The following RBM27 variants were observed in gnomAD, a reference collection of about 807,000 sequenced individuals.
RBM27 encodes RNA-binding protein 27.
A neutral mutation model predicts 135.3 loss-of-function variants in RBM27; 22 were observed. The ratio of observed to expected loss-of-function variants is 0.16; its 90% confidence interval spans 0.12 to 0.23. RBM27 has a LOEUF of 0.23. RBM27 is among the 10% of genes least tolerant of loss of function. The probability of loss-of-function intolerance (pLI) is 1.00; values close to 1 mark genes in which losing one functional copy is unlikely to be tolerated. For synonymous variants in RBM27, 481 were observed against 442.4 expected (o/e 1.09, Z -1.10); for missense variants, 1,009 against 1,281.0 (o/e 0.79, Z 3.24).
intron 5 of RBM27, 56 bp downstream of exon 5, chr5:146,229,966 C>T (rs1362334339): frequency 7.0e-6 from 11 of 1,581,394 alleles, no homozygotes; most frequent in Non-Finnish European, 9.5e-6. Context: ...GTCTCTATCA[C>T]AGGGGTGCAA....
At chr5:146,229,943 T>C in intron 5 of RBM27, 33 bp downstream of exon 5, 1 of 1,609,454 alleles carries the variant, frequency 6.2e-7, no homozygotes, top group South Asian at 1.1e-5. Context: ...AAAAACTCTG[T>C]AGTTATTTAT....
chr5:146,212,112 G>C (rs1755985144), intron 1 of RBM27, among the ~76,000 whole-genome samples: 1 of 151,610 alleles, frequency 6.6e-6, no homozygotes, highest in Non-Finnish European at 1.5e-5. Context: ...CTGGAGTGCA[G>C]TGGCGCAATC....
chr5:146,210,103 C>T (rs370585039), intron 1 of RBM27, among the ~76,000 whole-genome samples: 4 of 152,120 alleles, frequency 2.6e-5, no homozygotes, highest in East Asian at 1.9e-4. Context: ...GTTTTCGTAT[C>T]CACCTCTTGG....
At chr5:146,223,236 A>G (rs1756531410) in intron 2 of RBM27, among the ~76,000 whole-genome samples, 167 bp from the exon 3 acceptor site, 1 of 152,220 alleles carries the variant, frequency 6.6e-6, no homozygotes, top group Admixed American at 6.5e-5. Context: ...GTAGGTCAGA[A>G]GGATTTAAAA....
Position 146,285,997 on chromosome 5 carries a change from A to C in RBM27, c.3150A>C (p.Glu1050Asp). 1 of 1,612,712 alleles carries C rather than the reference A, an allele frequency of 6.2e-7. No homozygotes were observed. The highest frequency in any genetic ancestry group is 8.5e-7 in the Non-Finnish European group (1 of 1,179,246). ...LFLPDDDDED[E>D]DEYESRSWRR ...TGCCTGATGATGACGATGAAGATGA[A>C]GATGAATATGAGTCTCGCTCATGGC... is the stretch of plus-strand genomic sequence containing the variant. The change falls in exon 21 of 21, where the codon GAA (glutamate) becomes GAC (aspartate). Residue 1050 changes from glutamate (E) to aspartate (D), a missense_variant. By Grantham distance (45) the Glu-to-Asp change is conservative (BLOSUM62 2). Coordinates refer to ENST00000265271, the MANE Select transcript of RBM27 (RefSeq NM_018989.2).
At chr5:146,246,596 T>C (rs1054876855) in intron 8 of RBM27, among the ~76,000 whole-genome samples, 1 of 152,168 alleles carries the variant, frequency 6.6e-6, no homozygotes, top group East Asian at 1.9e-4. Flanking sequence ...GGAAGATACC[T>C]TGAGGCCAAG....
chr5:146,207,269 C>T (rs1477506485), intron 1 of RBM27, among the ~76,000 whole-genome samples: 2 of 152,058 alleles, frequency 1.3e-5, no homozygotes, highest in Admixed American at 6.5e-5. Context: ...GTTGCCCAGG[C>T]TGGAGTGCAG....
intron 9 of RBM27, among the ~76,000 whole-genome samples, chr5:146,252,159 A>AG (rs1757918898): frequency 6.6e-6 from 1 of 152,224 alleles, no homozygotes; most frequent in Non-Finnish European, 1.5e-5. Context: ...TCAGGTAGAT[A>AG]GAAAGATAAT....
At chr5:146,277,420 C>T (rs1759135671) in intron 19 of RBM27, among the ~76,000 whole-genome samples, 1 of 151,962 alleles carries the variant, frequency 6.6e-6, no homozygotes, top group Admixed American at 6.6e-5. Context: ...TTTTTATGTA[C>T]AGCCCCCTAT....
At chr5:146,204,855 T>C (rs1049684067) in intron 1 of RBM27, among the ~76,000 whole-genome samples, 2 of 152,204 alleles carry the variant, frequency 1.3e-5, no homozygotes, top group Non-Finnish European at 2.9e-5. Context: ...AGAAATGTTA[T>C]TGGGAGGCTT....
Position 146,251,719 on chromosome 5 carries a change from A to G in RBM27, c.1288A>G (p.Met430Val), listed in dbSNP as rs1277842763. Residue 430 changes from methionine (M) to valine (V), a missense_variant, in exon 9 of 21, where the codon ATG becomes GTG. Coordinates refer to ENST00000265271, the MANE Select transcript of RBM27 (RefSeq NM_018989.2). The stretch of plus-strand genomic sequence containing the variant: ...TATTCTTTCCTCTATAGGACAGCCC[A>G]TGTACTCTCGTGAACATGGTGCTGC... ...LLYTVSERQP[M>V]YSREHGAAAS... The G allele has an allele frequency of 1.9e-6, 3 of 1,610,032 alleles. No individual in the cohort carries two copies. Among genetic ancestry groups the G allele is most frequent in the Admixed American group, 1.7e-5 (1 of 60,012 alleles).
intron 9 of RBM27, among the ~76,000 whole-genome samples, chr5:146,252,215 G>T (rs758855713): frequency 2.0e-5 from 3 of 152,044 alleles, no homozygotes; most frequent in Non-Finnish European, 4.4e-5. Flanking sequence ...TAATAAACTA[G>T]GTTAATTTTT....
intron 3 of RBM27, among the ~76,000 whole-genome samples, chr5:146,225,061 G>A (rs1486932886): frequency 2.0e-5 from 3 of 152,104 alleles, no homozygotes; most frequent in African/African-American, 7.2e-5. Context: ...GTACTTTAAT[G>A]TATTATCTGT....
chr5:146,214,491 C>T (rs1290224477), intron 1 of RBM27, among the ~76,000 whole-genome samples: 2 of 152,096 alleles, frequency 1.3e-5, no homozygotes, highest in African/African-American at 4.8e-5. Context: ...CTTAGTTGTA[C>T]TCAGATTTTT....
rs1232724855 is a variant in RBM27, at chr5:146,251,695, A to T, written c.1280-16A>T. 3.1e-6 allele frequency: 5 copies of T among 1,593,438 alleles called. No homozygotes were observed. Among genetic ancestry groups the T allele is most frequent in the East Asian group, 4.5e-5 (2 of 44,630 alleles). ...GACTCTCATTCCCAGCTGCCCTCCT[A>T]TTCTTTCCTCTATAGGACAGCCCAT... On this transcript the variant is annotated splice_polypyrimidine_tract_variant and intron_variant, in intron 8 of 20. Coordinates refer to ENST00000265271, the MANE Select transcript of RBM27 (RefSeq NM_018989.2).
chr5:146,242,310 T>C (rs1333732656), intron 8 of RBM27, among the ~76,000 whole-genome samples: 1 of 152,240 alleles, frequency 6.6e-6, no homozygotes, highest in African/African-American at 2.4e-5. Flanking sequence ...TAAAAGGTGA[T>C]AATTTCCCCT....
chr5:146,221,488 C>G (rs1487766428), intron 2 of RBM27, among the ~76,000 whole-genome samples: 1 of 152,056 alleles, frequency 6.6e-6, no homozygotes, highest in Non-Finnish European at 1.5e-5. Flanking sequence ...GGCTGGAGTA[C>G]AGTGGTGCAA....
intron 1 of RBM27, among the ~76,000 whole-genome samples, chr5:146,211,462 A>ATGTTTTT (rs1334313720): frequency 3.8e-5 from 2 of 52,038 alleles, no homozygotes; most frequent in Non-Finnish European, 8.5e-5. Flanking sequence ...GTATGGTCTT[A>ATGTTTTT]TCTTTTTTTT....
At chr5:146,260,021 C>T (rs1230585474) in intron 11 of RBM27, among the ~76,000 whole-genome samples, 7 of 147,510 alleles carry the variant, frequency 4.7e-5, no homozygotes, top group East Asian at 2.0e-4. Flanking sequence ...TAATGTTGGC[C>T]GGGCGTAGTG....
Sources: gnomAD v4.1 joint callset for allele counts (sites outside exome capture counted in the v4.1 genomes callset) on GRCh38, gnomAD v4.1.1 for gene constraint, MANE v1.5 for transcripts, NCBI Gene and HGNC (gene_info 2026-07-23, HGNC 2026-07-21) for gene names.